The following TSHZ3 variants were observed in gnomAD, a reference collection of about 807,000 sequenced individuals.
The protein encoded by TSHZ3 is teashirt zinc finger homeobox 3.
In TSHZ3, 10 loss-of-function variants were observed where a neutral mutation model predicts 64.5. The observed-to-expected ratio is 0.16, with a 90% CI of 0.10 to 0.26. TSHZ3 has a LOEUF of 0.26. Ranked by LOEUF, TSHZ3 falls within the 10% of genes least tolerant of loss-of-function variation. TSHZ3 has a pLI of 1.00. For synonymous variants in TSHZ3, 608 were observed against 593.1 expected, an observed-to-expected ratio of 1.03 and a Z score of -0.36; for missense variants, 1,242 against 1,421.7, an observed-to-expected ratio of 0.87 and a Z score of 2.03.
intron 3 of TSHZ3, among the ~76,000 whole-genome samples, chr19:31,237,876 T>A (rs1378685853): frequency 6.6e-6 from 1 of 152,230 alleles, no homozygotes; most frequent in Non-Finnish European, 1.5e-5. Context: ...TGAAAAAGCT[T>A]GTTTTATTCC....
chr19:31,302,583 C>A lies in TSHZ3; in HGVS notation c.41-22831G>T, dbSNP rs572739725. ...TCTGTCTCTTGCCATTCCAAACATA[C>A]AGACATTTCCTCAACTGACCTTTAT... On this transcript the variant is annotated intron_variant, in intron 1 of 1. Coordinates refer to ENST00000240587, the MANE Select transcript of TSHZ3 (RefSeq NM_020856.4). 2.0e-5 allele frequency among the ~76,000 whole-genome samples: 3 copies of A among 152,296 alleles called. No individual in the cohort carries two copies. In the South Asian group the frequency reaches 6.2e-4, roughly 32 times the overall value.
At chr19:31,265,506 T>C (rs1346352364) in intron 1 of TSHZ3, among the ~76,000 whole-genome samples, 1 of 151,782 alleles carries the variant, frequency 6.6e-6, no homozygotes, top group Non-Finnish European at 1.5e-5. Context: ...CTATTGTAAA[T>C]TGAAGTCCTT....
At chr19:31,213,390 A>AAAAAAC (rs1173876714) in intron 4 of TSHZ3, among the ~76,000 whole-genome samples, 1 of 146,782 alleles carries the variant, frequency 6.8e-6, no homozygotes, top group African/African-American at 2.6e-5. Flanking sequence ...AAAAAAAAAA[A>AAAAAAC]ATCAGTGGTG....
intron 5 of TSHZ3, among the ~76,000 whole-genome samples, chr19:31,170,660 T>C (rs936311588): frequency 1.3e-5 from 2 of 152,224 alleles, no homozygotes; most frequent in Non-Finnish European, 2.9e-5. Flanking sequence ...AGTTTATGAA[T>C]AGGAAATTAA....
chr19:31,329,593 T>C (rs1425380131), intron 1 of TSHZ3, among the ~76,000 whole-genome samples: 1 of 152,218 alleles, frequency 6.6e-6, no homozygotes, highest in African/African-American at 2.4e-5. Context: ...ATAGTGTTTT[T>C]AAATGGTGCT....
At chr19:31,242,685 A>G (rs577450294) in intron 2 of TSHZ3, among the ~76,000 whole-genome samples, 88 of 151,228 alleles carry the variant, frequency 5.8e-4, no homozygotes, top group African/African-American at 2.1e-3. Flanking sequence ...CAGCAGATGT[A>G]TGTCTGAGGT....
chr19:31,182,257 C>T (rs1210872874), intron 5 of TSHZ3, among the ~76,000 whole-genome samples: 1 of 152,138 alleles, frequency 6.6e-6, no homozygotes, highest in African/African-American at 2.4e-5. Flanking sequence ...CATTTCTGTA[C>T]CGATGCTGTG....
At chr19:31,255,226 G>A (rs1975894206) in intron 1 of TSHZ3, among the ~76,000 whole-genome samples, 1 of 152,110 alleles carries the variant, frequency 6.6e-6, no homozygotes, top group African/African-American at 2.4e-5. Context: ...TCTGCAGTAG[G>A]CAATGGTGAA....
At chr19:31,271,731 C>T (rs1976142092), downstream of TSHZ3, among the ~76,000 whole-genome samples, 1 of 152,208 alleles carries the variant, frequency 6.6e-6, no homozygotes, top group African/African-American at 2.4e-5. Flanking sequence ...AATGTATGTT[C>T]AGGCTGCCTT....
At chr19:31,233,877 G>C (rs1975572796) in intron 3 of TSHZ3, among the ~76,000 whole-genome samples, 1 of 149,878 alleles carries the variant, frequency 6.7e-6, no homozygotes, top group South Asian at 2.1e-4. Flanking sequence ...GATTGTTTCA[G>C]CTATGTTAGG....
At chr19:31,268,735 G>A (rs757483336) in intron 1 of TSHZ3, among the ~76,000 whole-genome samples, 13 of 152,108 alleles carry the variant, frequency 8.5e-5, no homozygotes, top group Non-Finnish European at 1.9e-4. Context: ...GTGGGAGAAG[G>A]CCTCTGCTTT....
At chr19:31,197,954 C>T (rs1023020525) in intron 5 of TSHZ3, among the ~76,000 whole-genome samples, 1 of 152,072 alleles carries the variant, frequency 6.6e-6, no homozygotes, top group Non-Finnish European at 1.5e-5. Context: ...CTGAGCAGCC[C>T]GCATTACATT....
chr19:31,279,086 G>A lies in TSHZ3; in HGVS notation c.707C>T (p.Thr236Met), dbSNP rs557330136. Residue 236 changes from threonine (T) to methionine (M), a missense_variant, in exon 2 of 2, where the codon ACG becomes ATG. Physicochemically the swap from Thr to Met is moderately conservative, Grantham distance 81 (BLOSUM62 -1). This residue lies in a region of TSHZ3 where 555 missense variants were observed against 704.0 expected (regional missense o/e 0.79). Coordinates refer to ENST00000240587, the MANE Select transcript of TSHZ3 (RefSeq NM_020856.4). This position sits in a 1 kb window ranked among gnomAD's most constrained non-coding sequence, Gnocchi z 6.4. Reference sequence around the variant, plus strand: ...ATGGTTGTCGTCGCGGTAATGCCCCGTCTCGTTCATGTGCACCGTCAACTC... The same window carrying A: ...ATGGTTGTCGTCGCGGTAATGCCCCATCTCGTTCATGTGCACCGTCAACTC... ...LVELTVHMNE[T>M]GHYRDDNHET... The A allele has an allele frequency of 1.5e-4, 250 of 1,614,000 alleles. 2 individuals carry two copies. In the South Asian group the frequency reaches 2.3e-3, roughly 15 times the overall value.
upstream of TSHZ3, among the ~76,000 whole-genome samples, chr19:31,350,386 T>C (rs1280689799): frequency 2.0e-5 from 3 of 151,312 alleles, no homozygotes; most frequent in Non-Finnish European, 4.4e-5. Context: ...CTCTCCTGAC[T>C]TTGGGATGAT....
intron 1 of TSHZ3, among the ~76,000 whole-genome samples, chr19:31,313,217 AC>A (rs887086717): frequency 3.3e-5 from 5 of 152,190 alleles, no homozygotes; most frequent in African/African-American, 1.2e-4. Context: ...GCATTTCCAC[AC>A]CCGAGATTTG....
At chr19:31,309,638 C>T (rs1599640212) in intron 1 of TSHZ3, among the ~76,000 whole-genome samples, 2 of 152,180 alleles carry the variant, frequency 1.3e-5, no homozygotes, top group African/African-American at 2.4e-5. Flanking sequence ...GTAAATGAAA[C>T]GTGCGGATAA....
At chr19:31,259,704 C>CTCCAGA in intron 1 of TSHZ3, among the ~76,000 whole-genome samples, 1 of 152,188 alleles carries the variant, frequency 6.6e-6, no homozygotes, top group African/African-American at 2.4e-5. Context: ...CTCATTCTTC[C>CTCCAGA]AACTCAAGAT....
In TSHZ3 at chr19:31,163,374, G is replaced by C. The variant is rs113215312; in HGVS notation, n.810-6957C>G. Reference sequence around the variant, plus strand: ...TTTTAGAACTCAGATTTATTCTGTAGTGGAGAATAGAGAGGCATGACAGTT... The same window carrying C: ...TTTTAGAACTCAGATTTATTCTGTACTGGAGAATAGAGAGGCATGACAGTT... On this transcript the variant is annotated intron_variant and non_coding_transcript_variant, in intron 5 of 6. Coordinates refer to the TSHZ3 transcript ENST00000651361. Among the ~76,000 whole-genome samples, 4 of 152,328 alleles carry C rather than the reference G, an allele frequency of 2.6e-5. 1 individual carries two copies. Among genetic ancestry groups the C allele is most frequent in the African/African-American group, 9.6e-5 (4 of 41,588 alleles).
intron 5 of TSHZ3, among the ~76,000 whole-genome samples, chr19:31,172,832 G>A (rs963908947): frequency 6.6e-6 from 1 of 152,232 alleles, no homozygotes; most frequent in Non-Finnish European, 1.5e-5. Context: ...AAATCTAGAA[G>A]AAGAGAATCT....
Sources: allele counts gnomAD v4.1 joint callset (sites outside exome capture counted in the v4.1 genomes callset), GRCh38; gene constraint gnomAD v4.1.1; regional missense constraint gnomAD v4.1.1; non-coding constraint Gnocchi (gnomAD v3.1); transcripts MANE v1.5; gene names NCBI Gene and HGNC (gene_info 2026-07-23, HGNC 2026-07-21).